PMFBP1: variants seen among roughly 807,000 people sequenced by gnomAD.
PMFBP1 encodes the protein polyamine modulated factor 1 binding protein 1.
PMFBP1 carries 131 observed loss-of-function variants against 137.8 expected under a neutral mutation model. The observed-to-expected ratio is 0.95, with a 90% CI of 0.82 to 1.10. The LOEUF (loss-of-function observed/expected upper bound fraction) is 1.10, where lower values mean the gene tolerates loss of function less well. PMFBP1 is among the 50% of genes least tolerant of loss of function. The pLI, the probability that PMFBP1 is intolerant of heterozygous loss-of-function variation, is 0.00. For missense variants in PMFBP1, 1,199 were observed against 1,175.4 expected (o/e 1.02, Z -0.29); for synonymous variants, 490 against 450.4 (o/e 1.09, Z -1.11).
chr16:72,209,028 C>T, the PMFBP1 span, among the ~76,000 whole-genome samples: 4 of 152,214 alleles, frequency 2.6e-5, no homozygotes, highest in African/African-American at 7.2e-5. Flanking sequence ...GTTTCACCAG[C>T]GTGGCTGCCT....
chr16:72,214,715 T>C, the PMFBP1 span, among the ~76,000 whole-genome samples: 5 of 152,082 alleles, frequency 3.3e-5, no homozygotes, highest in Middle Eastern at 6.3e-3. Context: ...TCTAGCAAAA[T>C]AGGCTAATTG....
At chr16:72,246,732 C>T in the PMFBP1 span, among the ~76,000 whole-genome samples, 1 of 152,040 alleles carries the variant, frequency 6.6e-6, no homozygotes, top group Non-Finnish European at 1.5e-5. Flanking sequence ...TCTCTCTCCC[C>T]TTCTTAACGA....
intron 3 of PMFBP1, among the ~76,000 whole-genome samples, chr16:72,156,888 T>G (rs1341694675): frequency 1.3e-5 from 2 of 151,808 alleles, no homozygotes; most frequent in African/African-American, 4.8e-5. Flanking sequence ...TATAGCAGTA[T>G]ATAAAACAGA....
rs540383418 is a variant in PMFBP1 at position 72,150,776 on chromosome 16, C to T, written c.468G>A (p.Lys156=). The T allele has an allele frequency of 2.5e-5, 40 of 1,614,168 alleles. No individual in the cohort carries two copies. The highest frequency in any genetic ancestry group is 3.3e-5 in the Non-Finnish European group (39 of 1,180,022). The change falls in exon 5 of 21, where the codon AAG becomes AAA. Residue 156 remains lysine, a synonymous_variant. Coordinates refer to ENST00000237353, the MANE Select transcript of PMFBP1 (RefSeq NM_031293.3). ...CGAGTTGCTCCTGCGCCAAATGGAG[C>T]TTCTCCCCTGTGTTCTCGTTGTGAT... is the stretch of plus-strand genomic sequence containing the variant. The part of the protein sequence containing the change: ...MGNHNENTGE[K]LHLAQEQLAL...
chr16:72,128,557 G>A (rs1396013050), intron 14 of PMFBP1, 100 bp downstream of exon 14: 1 of 1,605,654 alleles, frequency 6.2e-7, no homozygotes, highest in Non-Finnish European at 8.5e-7. Context: ...TGGCTGAGCA[G>A]TTAGCTGCAT....
chr16:72,188,864 C>T, the PMFBP1 span, among the ~76,000 whole-genome samples: 1 of 152,182 alleles, frequency 6.6e-6, no homozygotes, highest in African/African-American at 2.4e-5. Context: ...TTATGACCTC[C>T]TGCTCATTTA....
At chr16:72,216,528 C>G in the PMFBP1 span, among the ~76,000 whole-genome samples, 36 of 152,146 alleles carry the variant, frequency 2.4e-4, no homozygotes, top group African/African-American at 8.2e-4. Flanking sequence ...GGTCTCCTCT[C>G]AAGTTGGCGG....
chr16:72,193,123 G>A, the PMFBP1 span, among the ~76,000 whole-genome samples: 1,394 of 152,060 alleles, frequency 9.2e-3, 52 homozygotes, highest in East Asian at 0.13. Context: ...ATGGTAGGTC[G>A]CGCCTGTAAT....
the PMFBP1 span, among the ~76,000 whole-genome samples, chr16:72,241,046 G>A: frequency 2.0e-5 from 3 of 152,056 alleles, no homozygotes; most frequent in Non-Finnish European, 4.4e-5. Context: ...GTAATAATCT[G>A]TAAACATAAC....
intron 3 of PMFBP1, among the ~76,000 whole-genome samples, chr16:72,162,957 G>C (rs1368124182): frequency 6.6e-6 from 1 of 152,254 alleles, no homozygotes; most frequent in Non-Finnish European, 1.5e-5. Flanking sequence ...GAGGAAAGCA[G>C]TGCTTACAAG....
intron 3 of PMFBP1, among the ~76,000 whole-genome samples, chr16:72,155,668 A>C (rs2144444985): frequency 6.6e-6 from 1 of 152,346 alleles, no homozygotes. Context: ...CGTGGCTTTC[A>C]AATTTTTAAA....
At chr16:72,225,709 TATAATAATAATA>T in the PMFBP1 span, among the ~76,000 whole-genome samples, 7 of 109,612 alleles carry the variant, frequency 6.4e-5, no homozygotes, top group South Asian at 4.2e-4. Flanking sequence ...TGAGACTGTT[TATAATAATAATA>T]ATAATAATAA....
the PMFBP1 span, among the ~76,000 whole-genome samples, chr16:72,199,078 C>T: frequency 6.6e-6 from 1 of 152,188 alleles, no homozygotes; most frequent in Non-Finnish European, 1.5e-5. Flanking sequence ...AGTGGCTGTG[C>T]TGTTGCAGGG....
the PMFBP1 span, among the ~76,000 whole-genome samples, chr16:72,186,082 G>A: frequency 6.6e-6 from 1 of 152,116 alleles, no homozygotes; most frequent in Non-Finnish European, 1.5e-5. Context: ...TTCCCTCTGG[G>A]ACTATATGTT....
the PMFBP1 span, among the ~76,000 whole-genome samples, chr16:72,192,991 G>A: frequency 3.1e-4 from 47 of 151,924 alleles, no homozygotes; most frequent in African/African-American, 1.1e-3. Flanking sequence ...GAATGTGCAC[G>A]TTATATTGAG....
chr16:72,125,305 T>G lies in PMFBP1; in HGVS notation c.2354A>C (p.Glu785Ala), dbSNP rs1410697264. Residue 785 changes from glutamate (E) to alanine (A), a missense_variant, in exon 16 of 21, where the codon GAA becomes GCA. Glu to Ala is a moderately radical substitution (Grantham distance 107). Coordinates refer to ENST00000237353, the MANE Select transcript of PMFBP1 (RefSeq NM_031293.3). ...QLEEEIIAYEERMKKLNTELR... is the reference protein window; with the variant it reads ...QLEEEIIAYEARMKKLNTELR... ...TTCCGTATTGAGCTTTTTCATCCTT[T>G]CCTCATAAGCAATGATTTCCTCTTC... 6.2e-7 allele frequency: 1 copy of G among 1,614,028 alleles called. No homozygotes were observed. Among genetic ancestry groups the G allele is most frequent in the Non-Finnish European group, 8.5e-7 (1 of 1,180,032 alleles).
At chr16:72,201,474 C>T in the PMFBP1 span, among the ~76,000 whole-genome samples, 1 of 152,188 alleles carries the variant, frequency 6.6e-6, no homozygotes, top group Non-Finnish European at 1.5e-5. Context: ...CTGTATGCCT[C>T]CTCTGAATAT....
At chr16:72,239,373 T>A in the PMFBP1 span, among the ~76,000 whole-genome samples, 1 of 152,230 alleles carries the variant, frequency 6.6e-6, no homozygotes, top group Non-Finnish European at 1.5e-5. Flanking sequence ...TAAGGCTTTT[T>A]ACATGATACA....
At chr16:72,214,765 G>C in the PMFBP1 span, among the ~76,000 whole-genome samples, 1 of 152,150 alleles carries the variant, frequency 6.6e-6, no homozygotes, top group African/African-American at 2.4e-5. Flanking sequence ...AACATTATAA[G>C]AGATGTCAGC....
Sources: allele counts gnomAD v4.1 joint callset (sites outside exome capture counted in the v4.1 genomes callset), GRCh38; gene constraint gnomAD v4.1.1; transcripts MANE v1.5; gene names NCBI Gene and HGNC (gene_info 2026-07-23, HGNC 2026-07-21).